TMPRSS6: variants seen among roughly 807,000 people sequenced by gnomAD.
The protein encoded by TMPRSS6 is transmembrane protease serine 6.
In TMPRSS6, 67 loss-of-function variants were observed where a neutral mutation model predicts 101.5. The ratio of observed to expected loss-of-function variants is 0.66; its 90% CI spans 0.54 to 0.81. TMPRSS6 has a LOEUF of 0.81. Among genes scored for constraint, TMPRSS6 ranks in the 30% least tolerant of loss-of-function variants. TMPRSS6 has a pLI of 0.00. For synonymous variants in TMPRSS6, 453 were observed against 464.9 expected, an observed-to-expected ratio of 0.97 and a Z score of 0.33; for missense variants, 1,034 against 1,088.7, an observed-to-expected ratio of 0.95 and a Z score of 0.71.
rs60484081 is a variant in TMPRSS6, at chr22:37,069,345, CTGGGG to C, written c.1842-6_1842-2del. On this transcript the variant is annotated splice_acceptor_variant and splice_polypyrimidine_tract_variant and intron_variant, in intron 15 of 17. Coordinates refer to ENST00000676104, the MANE Select transcript of TMPRSS6 (RefSeq NM_001374504.1). LOFTEE classifies it high-confidence loss of function. This position sits in a 1 kb window ranked among gnomAD's most constrained non-coding sequence, Gnocchi z 4.8. ...GGTCCACAGCACCGTGGAGGCCATG[CTGGGG>C]TGGGGTGGGGTGGGGTGGGGTGGGG... 0.36 allele frequency: 149,251 copies of C among 416,978 alleles called. 28,314 individuals carry two copies. Among genetic ancestry groups the C allele is most frequent in the East Asian group, 0.56 (9,947 of 17,872 alleles). The allele number at this position is 416,978 out of a possible 1,614,324, so 25.8% of individuals were successfully genotyped here. A position where few individuals can be genotyped will look rare whatever the true frequency, so the allele number is the denominator to read the frequency against.
intron 1 of TMPRSS6, among the ~76,000 whole-genome samples, chr22:37,104,689 C>T (rs755656197): frequency 2.2e-4 from 33 of 152,004 alleles, no homozygotes; most frequent in Non-Finnish European, 4.0e-4. Context: ...GGCCGGGTGC[C>T]GTGGCTCACG....
At chr22:37,076,920 C>T (rs1387499613) in intron 10 of TMPRSS6, among the ~76,000 whole-genome samples, 1 of 152,230 alleles carries the variant, frequency 6.6e-6, no homozygotes, top group Non-Finnish European at 1.5e-5. Context: ...TGGGGACATC[C>T]CACAGCAAAT....
Position 37,075,119 on chromosome 22 carries a change from G to C in TMPRSS6, c.1342+16C>G, listed in dbSNP as rs369105130. ...GCGAGTCACTGCAGGGGGTTCCCCC[G>C]GCTGCCCATACTCACGGTCCGACTG... is the stretch of plus-strand genomic sequence containing the variant. On this transcript the variant is annotated intron_variant, in intron 11 of 17. Transcript: ENST00000676104. The C allele has an allele frequency of 5.6e-6, 9 of 1,613,590 alleles. No individual in the cohort carries two copies. The East Asian group carries it at 1.3e-4, about 24-fold the overall frequency.
intron 17 of TMPRSS6, 84 bp downstream of exon 17, chr22:37,066,742 T>C: frequency 3.2e-6 from 5 of 1,585,568 alleles, no homozygotes; most frequent in Non-Finnish European, 4.3e-6. Flanking sequence ...TTCAGCAGGC[T>C]GATGTGAGCA....
At chr22:37,086,526 G>A (rs558509336) in intron 7 of TMPRSS6, 107 bp from the exon 8 acceptor site, 2 of 1,234,438 alleles carry the variant, frequency 1.6e-6, no homozygotes, top group East Asian at 2.5e-5. Flanking sequence ...CTGGACATCT[G>A]GGTTCTGGGT....
At position 37,098,400 on chromosome 22, in the gene TMPRSS6, C is replaced by G. The variant is rs376783531; in HGVS notation, c.336+16G>C. The G allele has an allele frequency of 3.0e-5, 48 of 1,613,922 alleles. 1 individual carries two copies. The highest frequency in any genetic ancestry group is 2.5e-4 in the East Asian group (11 of 44,886). On this transcript the variant is annotated intron_variant, in intron 3 of 17. Coordinates refer to ENST00000676104, the MANE Select transcript of TMPRSS6 (RefSeq NM_001374504.1). ...CCCCATATTCCCTCCCTCTCATCCC[C>G]CAGATCCTTTCCTACCATCTTCTGG...
At chr22:37,092,856 C>T (rs981636697) in intron 6 of TMPRSS6, among the ~76,000 whole-genome samples, 1 of 152,202 alleles carries the variant, frequency 6.6e-6, no homozygotes, top group African/African-American at 2.4e-5. Flanking sequence ...CAGGAGCAAC[C>T]CCTCCCTCCT....
intron 17 of TMPRSS6, 97 bp from the exon 18 acceptor site, chr22:37,066,335 G>A: frequency 8.0e-7 from 1 of 1,245,510 alleles, no homozygotes; most frequent in Non-Finnish European, 1.1e-6. Flanking sequence ...GTTGGGAATT[G>A]ACTGGGTGCC....
At chr22:37,086,244 A>G (rs533498091) in intron 8 of TMPRSS6, 39 bp downstream of exon 8, 1 of 1,613,808 alleles carries the variant, frequency 6.2e-7, no homozygotes, top group African/African-American at 1.3e-5. Flanking sequence ...GGATTCTACC[A>G]CCACCCCTCC....
chr22:37,102,296 T>C (rs898048193), intron 2 of TMPRSS6, among the ~76,000 whole-genome samples: 1 of 152,220 alleles, frequency 6.6e-6, no homozygotes, highest in Non-Finnish European at 1.5e-5. Context: ...AAATGTCAGG[T>C]CTGATGCCTT....
At position 37,101,689 on chromosome 22, in the gene TMPRSS6, G is replaced by C. The variant is rs1930323852; in HGVS notation, c.202+1527C>G. On this transcript the variant is annotated intron_variant, in intron 2 of 17. Transcript: ENST00000676104. The surrounding 1 kb of genome is among the most constrained non-coding windows in gnomAD (Gnocchi z 4.1). ...AGAGGCTTGGGAGCACTCACCCCTT[G>C]GGTCCTCAGCCCCATGGAGCACCTC... is the stretch of plus-strand genomic sequence containing the variant. Among the ~76,000 whole-genome samples, 1 of 152,124 alleles carries C rather than the reference G, an allele frequency of 6.6e-6. No homozygotes were observed. The highest frequency in any genetic ancestry group is 2.4e-5 in the African/African-American group (1 of 41,410).
chr22:37,080,819 A>C (rs922689060), intron 10 of TMPRSS6, among the ~76,000 whole-genome samples: 1 of 152,262 alleles, frequency 6.6e-6, no homozygotes, highest in African/African-American at 2.4e-5. Context: ...CCCCACCCAG[A>C]TGCCAGTGGG....
At chr22:37,087,130 C>G (rs1928852281) in intron 7 of TMPRSS6, among the ~76,000 whole-genome samples, 2 of 152,144 alleles carry the variant, frequency 1.3e-5, no homozygotes, top group Non-Finnish European at 1.5e-5. Flanking sequence ...TGTAGGTGCC[C>G]CTGGTCTGCC....
At chr22:37,072,481 G>C (rs1927119826) in intron 13 of TMPRSS6, among the ~76,000 whole-genome samples, 1 of 130,096 alleles carries the variant, frequency 7.7e-6, no homozygotes, top group Non-Finnish European at 1.7e-5. Flanking sequence ...ATGGATGGAT[G>C]GATGATGGAT....
rs1050995831 is a variant in TMPRSS6 at position 37,101,176 on chromosome 22, A to G, written c.202+2040T>C. 1.8e-4 allele frequency among the ~76,000 whole-genome samples: 27 copies of G among 152,070 alleles called. No individual in the cohort carries two copies. The highest frequency in any genetic ancestry group is 6.3e-4 in the African/African-American group (26 of 41,398). On this transcript the variant is annotated intron_variant, in intron 2 of 17. Coordinates refer to ENST00000676104, the MANE Select transcript of TMPRSS6 (RefSeq NM_001374504.1). This position sits in a 1 kb window ranked among gnomAD's most constrained non-coding sequence, Gnocchi z 4.1. The stretch of plus-strand genomic sequence containing the variant: ...GCTGGTGCTGGGCCATTGTGTGGGC[A>G]GAGGGGGCGGGATCGGGGTCCCAGG...
At chr22:37,082,835 A>G (rs1250595230) in intron 10 of TMPRSS6, 1 of 394,680 alleles carries the variant, frequency 2.5e-6, no homozygotes, top group Admixed American at 3.0e-5. Flanking sequence ...GCATAGCCCT[A>G]GATCATGCCA....
At chr22:37,096,797 C>T in intron 3 of TMPRSS6, 82 bp from the exon 4 acceptor site, 1 of 1,365,710 alleles carries the variant, frequency 7.3e-7, no homozygotes, top group African/African-American at 1.4e-5. Context: ...GCCCTTTGCT[C>T]CTACTGGCAG....
chr22:37,103,722 AC>A lies in TMPRSS6; in HGVS notation c.-1-305del. On this transcript the variant is annotated intron_variant, in intron 1 of 17. Coordinates refer to ENST00000676104, the MANE Select transcript of TMPRSS6 (RefSeq NM_001374504.1). The surrounding 1 kb of genome is among the most constrained non-coding windows in gnomAD (Gnocchi z 4.4). ...CAGACGGAGGTCTCAGTACCTAAAC[AC>A]CCACCTCCCTAGAGGCTGCACCCAC... The A allele has an allele frequency of 1.3e-6, 1 of 793,776 alleles. No homozygotes were observed. The highest frequency in any genetic ancestry group is 1.5e-5 in the South Asian group (1 of 66,944). The allele number at this position is 793,776 out of a possible 1,614,324, so 49.2% of individuals were successfully genotyped here. A position where few individuals can be genotyped will look rare whatever the true frequency, so the allele number is the denominator to read the frequency against.
chr22:37,095,790 G>T, intron 5 of TMPRSS6, 116 bp downstream of exon 5: 1 of 1,406,294 alleles, frequency 7.1e-7, no homozygotes, highest in East Asian at 2.4e-5. Flanking sequence ...GGGCTCTCCT[G>T]GGGGGCCCAC....
Sources: allele counts gnomAD v4.1 joint callset (sites outside exome capture counted in the v4.1 genomes callset), GRCh38; gene constraint gnomAD v4.1.1; non-coding constraint Gnocchi (gnomAD v3.1); transcripts MANE v1.5; gene names NCBI Gene and HGNC (gene_info 2026-07-23, HGNC 2026-07-21).